SLC19A1: variants seen among roughly 807,000 people sequenced by gnomAD.
The protein encoded by SLC19A1 is solute carrier family 19 member 1.
In SLC19A1, 37 loss-of-function variants were observed where a neutral mutation model predicts 35.3. That is an observed-to-expected ratio of 1.05 (90% confidence interval 0.81 to 1.38). The LOEUF (loss-of-function observed/expected upper bound fraction) is 1.38, where lower values mean the gene tolerates loss of function less well. SLC19A1 is among the 40% of genes most tolerant of loss of function. The pLI, the probability that SLC19A1 is intolerant of heterozygous loss-of-function variation, is 0.00. For synonymous variants in SLC19A1, 460 were observed against 398.5 expected, an observed-to-expected ratio of 1.15 and a Z score of -1.84; for missense variants, 831 against 826.9, an observed-to-expected ratio of 1.00 and a Z score of -0.06.
In SLC19A1 at chr21:45,537,746, GCCCGGCAC is replaced by G. The variant is rs762287101; in HGVS notation, c.189+17_189+24del. The G allele has an allele frequency of 6.8e-6, 2 of 293,818 alleles. No individual in the cohort carries two copies. The highest frequency in any genetic ancestry group is 9.8e-6 in the Non-Finnish European group (2 of 203,990). 18.2% of individuals were successfully genotyped at this position (293,818 alleles called of 1,614,324 possible). ...CCCGCCCACCCACCCACAGGCGGCCGCCCGGCACCCCGGCACCCACATGCCTGCTCCCG... is the reference window on the plus strand; with the variant it reads ...CCCGCCCACCCACCCACAGGCGGCCGCCCGGCACCCACATGCCTGCTCCCG... On this transcript the variant is annotated intron_variant, in intron 2 of 5. Coordinates refer to ENST00000311124, the MANE Select transcript of SLC19A1 (RefSeq NM_194255.4).
chr21:45,507,011 C>A, intron 3 of SLC19A1: 1 of 296,452 alleles, frequency 3.4e-6, no homozygotes, highest in South Asian at 3.0e-5. Flanking sequence ...CTTTCAGGGG[C>A]TTTGGTCCTG....
upstream of SLC19A1, among the ~76,000 whole-genome samples, chr21:45,546,706 T>G (rs1185697248): frequency 6.6e-6 from 1 of 152,154 alleles, no homozygotes; most frequent in Non-Finnish European, 1.5e-5. Flanking sequence ...CCAGTGGAAA[T>G]CTGGCCTACT....
In SLC19A1 at chr21:45,505,217, G is replaced by GGGCCCTCCC. The variant is rs760640619; in HGVS notation, c.498-6614_498-6606dup. On this transcript the variant is annotated intron_variant, in intron 3 of 4. Coordinates refer to the SLC19A1 transcript ENST00000417954. ...CCGGCATCGGCTACGAGGGGCGCCAGGGCCCTCCCGGCCCCCCAGGCCCCC... is the reference window on the plus strand; with the variant it reads ...CCGGCATCGGCTACGAGGGGCGCCAGGGCCCTCCCGGCCCTCCCGGCCCCCCAGGCCCCC... 1.3e-5 allele frequency: 21 copies of GGGCCCTCCC among 1,597,152 alleles called. No homozygotes were observed. Among genetic ancestry groups the GGGCCCTCCC allele is most frequent in the Admixed American group, 6.8e-5 (4 of 58,554 alleles).
Position 45,534,455 on chromosome 21 carries a change from G to T in SLC19A1, c.190-2307C>A. ...CTGCCCACAGCCCAGAGTCAAAATG[G>T]TAGACAGCCAGCAGAGAGGCTCTCC... On this transcript the variant is annotated intron_variant, in intron 2 of 5. Coordinates refer to ENST00000311124, the MANE Select transcript of SLC19A1 (RefSeq NM_194255.4). The surrounding 1 kb of genome is among the most constrained non-coding windows in gnomAD (Gnocchi z 4.2). 8.9e-7 allele frequency: 1 copy of T among 1,123,620 alleles called. No homozygotes were observed. Among genetic ancestry groups the T allele is most frequent in the Non-Finnish European group, 1.3e-6 (1 of 777,990 alleles). 69.6% of individuals were successfully genotyped at this position (1,123,620 alleles called of 1,614,324 possible).
intron 4 of SLC19A1, among the ~76,000 whole-genome samples, chr21:45,526,791 C>T (rs910851030): frequency 6.6e-6 from 1 of 152,230 alleles, no homozygotes; most frequent in African/African-American, 2.4e-5. Context: ...AGGCTGGTCT[C>T]GAGCTCCTGG....
upstream of SLC19A1, among the ~76,000 whole-genome samples, chr21:45,548,305 ATC>A (rs1285025722): frequency 2.0e-5 from 3 of 152,258 alleles, no homozygotes; most frequent in African/African-American, 7.2e-5. Context: ...AAACTTGTAG[ATC>A]TGTGTCCAGT....
At chr21:45,512,524 C>A (rs571271547), downstream of SLC19A1, 7 of 818,306 alleles carry the variant, frequency 8.6e-6, no homozygotes, top group Non-Finnish European at 1.4e-5. Flanking sequence ...GTATAGTTCA[C>A]GTTTCATGTA....
downstream of SLC19A1, chr21:45,512,106 T>C: frequency 6.7e-7 from 1 of 1,484,100 alleles, no homozygotes; most frequent in Non-Finnish European, 9.2e-7. Flanking sequence ...GCCTCCTGCC[T>C]CCACCTTTCC....
chr21:45,510,949 ACAACACCC>A (rs1436760116), downstream of SLC19A1, among the ~76,000 whole-genome samples: 100 of 46,024 alleles, frequency 2.2e-3, 2 homozygotes, highest in African/African-American at 0.012. Context: ...ACACACACCC[ACAACACCC>A]CACATACACC....
rs3788190 is a variant in SLC19A1 at position 45,517,044 on chromosome 21, G to A, written c.1294-904C>T. On this transcript the variant is annotated intron_variant, in intron 5 of 5. Transcript: ENST00000311124. The surrounding 1 kb of genome is among the most constrained non-coding windows in gnomAD (Gnocchi z 4.4). The stretch of plus-strand genomic sequence containing the variant: ...AGGAGGACAGACTGACCAGGCCCTC[G>A]GGGTCTGGGGAGCTGTGCCACACAA... 0.44 allele frequency among the ~76,000 whole-genome samples: 67,217 copies of A among 151,758 alleles called. 14,899 individuals are homozygous for A. The highest frequency in any genetic ancestry group is 0.56 in the East Asian group (2,845 of 5,122).
upstream of SLC19A1, among the ~76,000 whole-genome samples, chr21:45,544,821 C>G (rs1350983728): frequency 6.6e-6 from 1 of 152,150 alleles, no homozygotes; most frequent in African/African-American, 2.4e-5. Flanking sequence ...CTCCTGGGCC[C>G]CCACTCCCCG....
chr21:45,510,325 C>T, downstream of SLC19A1: 1 of 1,516,688 alleles, frequency 6.6e-7, no homozygotes, highest in Non-Finnish European at 9.0e-7. Context: ...GGGGTGAACT[C>T]CCAGCGGGGA....
intron 4 of SLC19A1, among the ~76,000 whole-genome samples, chr21:45,528,723 G>GA (rs2077738702): frequency 6.6e-6 from 1 of 152,212 alleles, no homozygotes; most frequent in Non-Finnish European, 1.5e-5. Flanking sequence ...CCTCGTGTAA[G>GA]AAAAATGGAA....
At position 45,540,153 on chromosome 21, in the gene SLC19A1, C is replaced by T. The variant is rs191980402; in HGVS notation, c.-49-2145G>A. Among the ~76,000 whole-genome samples the T allele has an allele frequency of 1.2e-4, 19 of 152,246 alleles. No individual in the cohort carries two copies. The highest frequency in any genetic ancestry group is 2.1e-4 in the Non-Finnish European group (14 of 68,004). ...GGGACCCTGATGCCCAGAGAGGCCACGGGTAGAGCTGGACATACCTCAGAC... is the reference window on the plus strand; with the variant it reads ...GGGACCCTGATGCCCAGAGAGGCCATGGGTAGAGCTGGACATACCTCAGAC... On this transcript the variant is annotated intron_variant, in intron 1 of 5. Transcript: ENST00000311124. The surrounding 1 kb of genome is among the most constrained non-coding windows in gnomAD (Gnocchi z 5.5).
intron 3 of SLC19A1, chr21:45,506,090 T>G (rs776766135): frequency 1.5e-5 from 22 of 1,457,150 alleles, no homozygotes; most frequent in Non-Finnish European, 2.0e-5. Context: ...CAGCGCTTCT[T>G]AAACTTTCAA....
In SLC19A1 at chr21:45,515,327, C is replaced by T. The variant is rs2037844902; in HGVS notation, c.*331G>A. 1.4e-6 allele frequency: 2 copies of T among 1,451,754 alleles called. No homozygotes were observed. The highest frequency in any genetic ancestry group is 9.0e-7 in the Non-Finnish European group (1 of 1,113,656). 89.9% of individuals were successfully genotyped at this position (1,451,754 alleles called of 1,614,324 possible). A position where few individuals can be genotyped will look rare whatever the true frequency, so the allele number is the denominator to read the frequency against. ...AGCTGGTATCCAAGAGGCCACTTCA[C>T]TAGCCCTGGGGGGCAGAAAGGATTT... is the stretch of plus-strand genomic sequence containing the variant. On this transcript the variant is annotated 3_prime_UTR_variant, in exon 6 of 6. Coordinates refer to ENST00000311124, the MANE Select transcript of SLC19A1 (RefSeq NM_194255.4).
At chr21:45,505,318 C>T (rs373534165) in intron 3 of SLC19A1, 170 of 1,592,126 alleles carry the variant, frequency 1.1e-4, no homozygotes, top group Middle Eastern at 1.7e-4. Context: ...GAGGCCGCCT[C>T]GTGTGGCTTC....
chr21:45,540,811 G>A lies in SLC19A1; in HGVS notation c.-50+1557C>T, dbSNP rs2078280901. Among the ~76,000 whole-genome samples, 1 of 152,202 alleles carries A rather than the reference G, an allele frequency of 6.6e-6. No homozygotes were observed. The highest frequency in any genetic ancestry group is 6.5e-5 in the Admixed American group (1 of 15,290). On this transcript the variant is annotated intron_variant, in intron 1 of 5. Coordinates refer to ENST00000311124, the MANE Select transcript of SLC19A1 (RefSeq NM_194255.4). This position sits in a 1 kb window ranked among gnomAD's most constrained non-coding sequence, Gnocchi z 5.5. Reference sequence around the variant, plus strand: ...GCAGAGAGAATCCCTGCCTTCAGGAGAAGGTTGTAACAGCCCCTGCAAATC... The same window carrying A: ...GCAGAGAGAATCCCTGCCTTCAGGAAAAGGTTGTAACAGCCCCTGCAAATC...
chr21:45,542,812 AC>A (rs36230818), upstream of SLC19A1, among the ~76,000 whole-genome samples: 3 of 83,102 alleles, frequency 3.6e-5, no homozygotes, highest in Non-Finnish European at 4.9e-5. Context: ...TCCCCTCCTG[AC>A]CCCCCCTCCT....
Sources: gnomAD v4.1 joint callset for allele counts (sites outside exome capture counted in the v4.1 genomes callset) on GRCh38, gnomAD v4.1.1 for gene constraint, Gnocchi (gnomAD v3.1) non-coding constraint, MANE v1.5 for transcripts, NCBI Gene and HGNC (gene_info 2026-07-23, HGNC 2026-07-21) for gene names.